The following LRRC37A2 variants were observed in gnomAD, a reference collection of about 807,000 sequenced individuals.
LRRC37A2 encodes the protein leucine-rich repeat-containing protein 37A2.
In LRRC37A2, 9 loss-of-function variants were observed where a neutral mutation model predicts 68.8. The ratio of observed to expected loss-of-function variants is 0.13; its 90% CI spans 0.08 to 0.23. The LOEUF (loss-of-function observed/expected upper bound fraction) is 0.23. LRRC37A2 is among the 10% of genes least tolerant of loss of function. The probability of loss-of-function intolerance (pLI) is 1.00; values close to 1 mark genes in which losing one functional copy is unlikely to be tolerated. For synonymous variants in LRRC37A2, 63 were observed against 367.6 expected, an observed-to-expected ratio of 0.17 and a Z score of 9.48; for missense variants, 168 against 950.4, an observed-to-expected ratio of 0.18 and a Z score of 10.82.
the LRRC37A2 span, among the ~76,000 whole-genome samples, chr17:47,022,471 A>G: frequency 6.6e-6 from 1 of 151,732 alleles, no homozygotes; most frequent in Non-Finnish European, 1.5e-5. Context: ...CCCGCAGCCC[A>G]TGATTCCATT....
At chr17:46,904,183 G>T in the LRRC37A2 span, among the ~76,000 whole-genome samples, 1 of 151,310 alleles carries the variant, frequency 6.6e-6, no homozygotes, top group Admixed American at 6.6e-5. Flanking sequence ...TGGGTGGATG[G>T]GTGGCTGGTT....
chr17:46,788,227 C>G, the LRRC37A2 span, among the ~76,000 whole-genome samples: 866 of 152,334 alleles, frequency 5.7e-3, 7 homozygotes, highest in African/African-American at 0.02. Flanking sequence ...AAGTGGAATT[C>G]TAATTCAAAT....
At chr17:46,845,252 A>G in the LRRC37A2 span, among the ~76,000 whole-genome samples, 3 of 151,910 alleles carry the variant, frequency 2.0e-5, no homozygotes, top group Non-Finnish European at 4.4e-5. Flanking sequence ...TGCTTTGCCC[A>G]TAGGGGACTT....
the LRRC37A2 span, among the ~76,000 whole-genome samples, chr17:46,785,023 C>T: frequency 8.5e-5 from 13 of 152,064 alleles, no homozygotes; most frequent in East Asian, 1.9e-4. Context: ...GTGATCTGCC[C>T]GCCTTGGCCT....
At chr17:46,726,546 C>T in the LRRC37A2 span, 2 of 1,613,788 alleles carry the variant, frequency 1.2e-6, no homozygotes, top group African/African-American at 2.7e-5. Context: ...TGTTTTCTTT[C>T]AGATCTTTGA....
chr17:47,022,456 C>T, the LRRC37A2 span, among the ~76,000 whole-genome samples: 1 of 150,914 alleles, frequency 6.6e-6, no homozygotes, highest in African/African-American at 2.4e-5. Context: ...AGGCATGAGC[C>T]ACCACCCGCA....
chr17:46,493,975 G>C, the LRRC37A2 span, among the ~76,000 whole-genome samples: 2 of 151,046 alleles, frequency 1.3e-5, no homozygotes, highest in Non-Finnish European at 2.9e-5. Context: ...CTCCGAAGTA[G>C]TTAGGACCAC....
At chr17:46,995,272 A>G in the LRRC37A2 span, among the ~76,000 whole-genome samples, 108,824 of 152,110 alleles carry the variant, frequency 0.72, 39,573 homozygotes, top group Middle Eastern at 0.78. Context: ...CAGCAGGGGT[A>G]TAAATGGCTA....
At chr17:46,527,129 ACT>A in intron 6 of LRRC37A2, among the ~76,000 whole-genome samples, 1 of 52,458 alleles carries the variant, frequency 1.9e-5, no homozygotes, top group East Asian at 3.1e-4. Flanking sequence ...GATAGAGTAC[ACT>A]CACATATTGG....
the LRRC37A2 span, among the ~76,000 whole-genome samples, chr17:46,727,531 G>A: frequency 6.6e-6 from 1 of 152,132 alleles, no homozygotes; most frequent in Non-Finnish European, 1.5e-5. Flanking sequence ...TTTTTCCCAT[G>A]ATTTTCAGAC....
At chr17:46,845,485 ATTTTT>A in the LRRC37A2 span, among the ~76,000 whole-genome samples, 3 of 121,380 alleles carry the variant, frequency 2.5e-5, no homozygotes, top group Non-Finnish European at 3.4e-5. Context: ...AGTTATCTGA[ATTTTT>A]TTTTTTTTTT....
At chr17:46,666,157 A>G in the LRRC37A2 span, among the ~76,000 whole-genome samples, 1 of 146,238 alleles carries the variant, frequency 6.8e-6, no homozygotes, top group Non-Finnish European at 1.5e-5. Flanking sequence ...AAATAAATAT[A>G]CTTATGATAG....
At chr17:46,875,372 C>T in the LRRC37A2 span, 1 of 1,591,088 alleles carries the variant, frequency 6.3e-7, no homozygotes. Context: ...TCAAGGTGAG[C>T]ATGTCCCTGG....
chr17:47,003,391 A>G, the LRRC37A2 span, among the ~76,000 whole-genome samples: 11,371 of 152,250 alleles, frequency 0.075, 510 homozygotes, highest in Middle Eastern at 0.12. Context: ...TGAGCACATC[A>G]ACTACTAGCA....
chr17:47,000,114 A>G, the LRRC37A2 span, among the ~76,000 whole-genome samples: 52 of 142,348 alleles, frequency 3.7e-4, no homozygotes, highest in African/African-American at 1.2e-3. Flanking sequence ...AATAAAATAA[A>G]ATAAAATAAA....
chr17:46,752,448 A>G, the LRRC37A2 span, among the ~76,000 whole-genome samples: 1 of 151,932 alleles, frequency 6.6e-6, no homozygotes, highest in Admixed American at 6.6e-5. Context: ...TGCTCAGTAA[A>G]CTTTTATTAT....
At chr17:46,995,824 C>T in the LRRC37A2 span, among the ~76,000 whole-genome samples, 4 of 152,298 alleles carry the variant, frequency 2.6e-5, no homozygotes, top group Non-Finnish European at 4.4e-5. Flanking sequence ...CTATCTGATA[C>T]AGTAGGATTT....
the LRRC37A2 span, among the ~76,000 whole-genome samples, chr17:46,775,879 C>G: frequency 6.6e-6 from 1 of 152,100 alleles, no homozygotes. Context: ...TCCCAAAGTG[C>G]TGGGATTACA....
chr17:46,924,958 A>AT, the LRRC37A2 span, among the ~76,000 whole-genome samples: 60 of 152,318 alleles, frequency 3.9e-4, no homozygotes, highest in African/African-American at 1.4e-3. Context: ...ATTCAAGAAT[A>AT]ACTTTATTTA....
Sources: gnomAD v4.1 joint callset for allele counts (sites outside exome capture counted in the v4.1 genomes callset) on GRCh38, gnomAD v4.1.1 for gene constraint, MANE v1.5 for transcripts, NCBI Gene and HGNC (gene_info 2026-07-23, HGNC 2026-07-21) for gene names.